Variants in MPP1 observed in about 807,000 individuals in gnomAD.
MPP1 encodes 55 kDa erythrocyte membrane protein.
Under a neutral mutation model 38.2 loss-of-function variants are expected in MPP1, and 6 were observed. The ratio of observed to expected loss-of-function variants is 0.16; its 90% CI spans 0.09 to 0.31. The LOEUF is 0.31. Among genes scored for constraint, MPP1 ranks in the 10% least tolerant of loss-of-function variants. The pLI, the probability that MPP1 is intolerant of heterozygous loss-of-function variation, is 1.00. For missense variants in MPP1, 293 were observed against 368.9 expected, an observed-to-expected ratio of 0.79 and a Z score of 1.69; for synonymous variants, 153 against 146.3, an observed-to-expected ratio of 1.05 and a Z score of -0.33.
Position 154,801,556 on chromosome X carries a change from C to T in MPP1, c.102+3716G>A, listed in dbSNP as rs1197780853. ...GGCGGATCACCTGAGATCAGGAGTT[C>T]GAGACCAGCCCGGCCAACATGGCGA... On this transcript the variant is annotated intron_variant, in intron 1 of 11. Transcript: ENST00000369534. Among the ~76,000 whole-genome samples the T allele has an allele frequency of 2.7e-5, 3 of 109,164 alleles. No homozygotes were observed. In the Admixed American group the frequency reaches 2.9e-4, roughly 11 times the overall value. The allele number at this position is 109,164 out of a possible 115,157, so 94.8% of individuals were successfully genotyped here.
intron 9 of MPP1, chrX:154,782,322 A>G (rs1557266727): frequency 8.9e-6 from 1 of 112,636 alleles, no homozygotes; most frequent in Non-Finnish European, 1.9e-5. Flanking sequence ...TTGAAACACA[A>G]TCCTCCCAAC....
chrX:154,779,222 T>C lies in MPP1; in HGVS notation c.1356A>G (p.Gln452=). The C allele has an allele frequency of 8.3e-7, 1 of 1,211,711 alleles. No individual in the cohort carries two copies. The highest frequency in any genetic ancestry group is 1.1e-6 in the Non-Finnish European group (1 of 895,469). Residue 452 remains glutamine (Q), a synonymous_variant, in exon 12 of 12, where the codon CAA becomes CAG. Transcript: ENST00000369534. Reference sequence around the variant, plus strand: ...GCACCCACTGTGGAGAACTGCACGCTTGGTCGAAGGCTTCTTGTAATTTCT... The same window carrying C: ...GCACCCACTGTGGAGAACTGCACGCCTGGTCGAAGGCTTCTTGTAATTTCT... ...TLKKLQEAFD[Q]ACSSPQWVPV...
Position 154,778,961 on chromosome X carries a change from T to G in MPP1, c.*216A>C. On this transcript the variant is annotated 3_prime_UTR_variant, in exon 12 of 12. Coordinates refer to ENST00000369534, the MANE Select transcript of MPP1 (RefSeq NM_002436.4). Reference sequence around the variant, plus strand: ...TACCCCCAATTTCTAGAAATCCTTTTCAAATCCAGATCAGTGGGGCCCCAT... The same window carrying G: ...TACCCCCAATTTCTAGAAATCCTTTGCAAATCCAGATCAGTGGGGCCCCAT... 1 of 380,090 alleles carries G rather than the reference T, an allele frequency of 2.6e-6. No individual in the cohort carries two copies. The highest frequency in any genetic ancestry group is 4.1e-5 in the East Asian group (1 of 24,293). 31.3% of individuals were successfully genotyped at this position (380,090 alleles called of 1,213,427 possible).
In MPP1 at chrX:154,778,876, G is replaced by T; in HGVS notation, c.*301C>A. 3.4e-6 allele frequency: 1 copy of T among 296,414 alleles called. No homozygotes were observed. The highest frequency in any genetic ancestry group is 5.9e-6 in the Non-Finnish European group (1 of 170,205). The allele number at this position is 296,414 out of a possible 1,213,427, so 24.4% of individuals were successfully genotyped here. A position where few individuals can be genotyped will look rare whatever the true frequency, so the allele number is the denominator to read the frequency against. On this transcript the variant is annotated 3_prime_UTR_variant, in exon 12 of 12. Transcript: ENST00000369534. ...AGGAGGGCAGGCTTTAGAGGGATGG[G>T]GTCCATTGCTTTTGCTGTGCATCAC...
intron 5 of MPP1, among the ~76,000 whole-genome samples, chrX:154,789,367 G>C (rs1557267504): frequency 9.0e-6 from 1 of 111,480 alleles, no homozygotes; most frequent in Non-Finnish European, 1.9e-5. Context: ...CTTTGTACAT[G>C]GTAGACCCTC....
chrX:154,790,015 GTTTC>G lies in MPP1; in HGVS notation c.415_418del (p.Glu139ProfsTer4). 8.5e-7 allele frequency: 1 copy of G among 1,177,896 alleles called. No homozygotes were observed. The highest frequency in any genetic ancestry group is 1.2e-6 in the Non-Finnish European group (1 of 869,338). On this transcript the variant is annotated frameshift_variant, in exon 5 of 12. Transcript: ENST00000369534. LOFTEE classifies it high-confidence loss of function. The stretch of plus-strand genomic sequence containing the variant: ...TACTTTTAATGAGATCATTCCTTTG[GTTTC>G]TTTCTATTAAAAAAAATGGACATAA...
chrX:154,791,052 C>G lies in MPP1; in HGVS notation c.342G>C (p.Gly114=). ...TGCCATTGATTTCTAGGATCTCATC[C>G]CCCACGTGAAGGGAGCCTGCCATGA... is the stretch of plus-strand genomic sequence containing the variant. ...MIHRQGSLHV[G]DEILEINGTN... Residue 114 remains glycine (G), a synonymous_variant, in exon 4 of 12, where the codon GGG becomes GGC. Transcript: ENST00000369534. 8.3e-7 allele frequency: 1 copy of G among 1,209,839 alleles called. No homozygotes were observed. The highest frequency in any genetic ancestry group is 1.1e-6 in the Non-Finnish European group (1 of 894,436).
Position 154,785,106 on chromosome X carries a change from A to T in MPP1, c.729T>A (p.Ser243Arg). The change falls in exon 7 of 12, where the codon AGT becomes AGA. Residue 243 changes from serine (S) to arginine (R), a missense_variant. Ser to Arg is a moderately radical substitution (Grantham distance 110). Transcript: ENST00000369534. ...TGTACTTCTTCTTCTTCCCAAAGGG[A>T]CTGCAGCTCGGGGCTTCGCTAGGAG... ...QSAPSEAPSC[S>R]PFGKKKKYKD... The T allele has an allele frequency of 8.3e-7, 1 of 1,210,440 alleles. No homozygotes were observed.
intron 6 of MPP1, 51 bp from the exon 7 acceptor site, chrX:154,785,208 A>T (rs782251045): frequency 1.5e-6 from 1 of 656,246 alleles, no homozygotes; most frequent in Non-Finnish European, 2.0e-6. Flanking sequence ...CTCCCCTCAT[A>T]CCCCCCCCAG....
chrX:154,791,718 G>A (rs1557267751), intron 3 of MPP1, 51 bp downstream of exon 3: 1 of 1,066,191 alleles, frequency 9.4e-7, no homozygotes, highest in East Asian at 3.0e-5. Flanking sequence ...TGAACAGGGA[G>A]TAAATTATTA....
At chrX:154,781,570 A>G (rs781911154) in intron 10 of MPP1, 30 bp downstream of exon 10, 1 of 1,192,995 alleles carries the variant, frequency 8.4e-7, no homozygotes, top group East Asian at 3.0e-5. Context: ...GGCTGAGCCC[A>G]TCTGTCCCTG....
intron 8 of MPP1, 160 bp downstream of exon 8, chrX:154,783,868 G>C: frequency 2.2e-6 from 1 of 461,570 alleles, no homozygotes; most frequent in Non-Finnish European, 3.8e-6. Context: ...ACCCAGGTGG[G>C]GTGCACGTGA....
chrX:154,791,260 T>A (rs2072139358), intron 3 of MPP1, 192 bp from the exon 4 acceptor site: 1 of 426,772 alleles, frequency 2.3e-6, no homozygotes, highest in African/African-American at 2.5e-5. Context: ...GCCTCAGTAG[T>A]CCAACAGCAC....
chrX:154,792,816 A>C (rs1206501908), intron 1 of MPP1, among the ~76,000 whole-genome samples: 3 of 111,101 alleles, frequency 2.7e-5, no homozygotes, highest in Non-Finnish European at 5.7e-5. Context: ...TTAGGCTACA[A>C]AGAACTTCTA....
chrX:154,780,945 A>C (rs782521001), intron 11 of MPP1, among the ~76,000 whole-genome samples: 1 of 111,702 alleles, frequency 9.0e-6, no homozygotes, highest in African/African-American at 3.3e-5. Flanking sequence ...CCTGCATCCC[A>C]CCAGTATCAG....
chrX:154,786,103 T>C, intron 6 of MPP1, 101 bp downstream of exon 6: 1 of 792,329 alleles, frequency 1.3e-6, no homozygotes, highest in South Asian at 2.6e-5. Flanking sequence ...GGAGGTCTCC[T>C]TGGTTGAGAA....
chrX:154,779,134 A>G lies in MPP1; in HGVS notation c.*43T>C, dbSNP rs781969256. The G allele has an allele frequency of 5.2e-6, 6 of 1,159,930 alleles. No individual in the cohort carries two copies. The highest frequency in any genetic ancestry group is 6.9e-6 in the Non-Finnish European group (6 of 863,433). The stretch of plus-strand genomic sequence containing the variant: ...TAAAGCAAGGCGGGTGGAATTCCAA[A>G]TGCTGGAGAGGGGCATACAGTGGGT... On this transcript the variant is annotated 3_prime_UTR_variant, in exon 12 of 12. Coordinates refer to ENST00000369534, the MANE Select transcript of MPP1 (RefSeq NM_002436.4).
At chrX:154,805,147 C>A in intron 1 of MPP1, 125 bp downstream of exon 1, 1 of 691,771 alleles carries the variant, frequency 1.4e-6, no homozygotes, top group South Asian at 2.7e-5. Flanking sequence ...CTATCGCGGT[C>A]TCCGACCTAT....
intron 1 of MPP1, among the ~76,000 whole-genome samples, chrX:154,795,446 A>G (rs1387889405): frequency 9.0e-6 from 1 of 111,551 alleles, no homozygotes; most frequent in African/African-American, 3.3e-5. Flanking sequence ...CAGTGAAAGA[A>G]TGATTATATT....
Sources: allele counts gnomAD v4.1 joint callset (sites outside exome capture counted in the v4.1 genomes callset), GRCh38; gene constraint gnomAD v4.1.1; transcripts MANE v1.5; gene names NCBI Gene and HGNC (gene_info 2026-07-23, HGNC 2026-07-21).